LRRK2: variants seen among roughly 807,000 people sequenced by gnomAD.
The protein encoded by LRRK2 is leucine-rich repeat serine/threonine-protein kinase 2.
A neutral mutation model predicts 302.6 loss-of-function variants in LRRK2; 203 were observed. The ratio of observed to expected loss-of-function variants is 0.67; its 90% CI spans 0.60 to 0.75. LRRK2 has a LOEUF of 0.75. Among genes scored for constraint, LRRK2 ranks in the 30% least tolerant of loss-of-function variants. LRRK2 has a pLI of 0.00. For missense variants in LRRK2, 2,830 were observed against 2,951.0 expected (o/e 0.96, Z 0.95); for synonymous variants, 1,066 against 1,031.9 (o/e 1.03, Z -0.63).
intron 11 of LRRK2, 88 bp downstream of exon 11, chr12:40,253,104 C>T (rs1424458553): frequency 2.4e-6 from 2 of 828,632 alleles, no homozygotes; most frequent in Non-Finnish European, 4.0e-6. Context: ...GAAAAATTTA[C>T]ATAATTTATA....
At chr12:40,249,699 A>G (rs1942167152) in intron 7 of LRRK2, 127 bp from the exon 8 acceptor site, 1 of 1,070,098 alleles carries the variant, frequency 9.3e-7, no homozygotes. Flanking sequence ...TTTTAATTAA[A>G]GTAAATGTTT....
At chr12:40,314,294 G>A in intron 32 of LRRK2, 121 bp downstream of exon 32, 4 of 998,296 alleles carry the variant, frequency 4.0e-6, no homozygotes, top group Non-Finnish European at 4.6e-6. Context: ...TCTTTAATAG[G>A]CCACTGATTT....
intron 3 of LRRK2, among the ~76,000 whole-genome samples, chr12:40,235,317 A>C (rs1469148953): frequency 6.6e-6 from 1 of 152,180 alleles, no homozygotes; most frequent in African/African-American, 2.4e-5. Context: ...AAAAAGAATG[A>C]AAAAATTAGC....
In LRRK2 at chr12:40,249,961, A is replaced by G. The variant is rs758435947; in HGVS notation, c.958+16A>G. ...GCCCTCCTCAGTAAGTAACTTCACT[A>G]AAAAGGGGATTCTTACAGAGGCATT... On this transcript the variant is annotated intron_variant, in intron 8 of 50. Coordinates refer to ENST00000298910, the MANE Select transcript of LRRK2 (RefSeq NM_198578.4). The G allele has an allele frequency of 6.2e-7, 1 of 1,613,006 alleles. No homozygotes were observed. The highest frequency in any genetic ancestry group is 8.5e-7 in the Non-Finnish European group (1 of 1,179,348).
intron 14 of LRRK2, among the ~76,000 whole-genome samples, chr12:40,266,244 A>G (rs1278162162): frequency 2.0e-5 from 3 of 152,002 alleles, no homozygotes; most frequent in African/African-American, 7.2e-5. Flanking sequence ...AATTTTTGCA[A>G]TCTACTCATC....
At chr12:40,330,755 C>T (rs1945690221) in intron 39 of LRRK2, among the ~76,000 whole-genome samples, 1 of 152,096 alleles carries the variant, frequency 6.6e-6, no homozygotes, top group Non-Finnish European at 1.5e-5. Context: ...TATCATTGCT[C>T]CAAGAGTATA....
Position 40,368,085 on chromosome 12 carries a change from T to C in LRRK2, c.*320T>C, listed in dbSNP as rs1475077998. 5.5e-6 allele frequency: 1 copy of C among 181,502 alleles called. No homozygotes were observed. The highest frequency in any genetic ancestry group is 1.2e-5 in the Non-Finnish European group (1 of 86,754). The allele number at this position is 181,502 out of a possible 1,614,324, so 11.2% of individuals were successfully genotyped here. The stretch of plus-strand genomic sequence containing the variant: ...TTATAAGGCCGATAATTTTTTGTTT[T>C]CTTGTCTGTAATGGAGGTAAACTTT... On this transcript the variant is annotated 3_prime_UTR_variant, in exon 51 of 51. Coordinates refer to ENST00000298910, the MANE Select transcript of LRRK2 (RefSeq NM_198578.4).
chr12:40,338,077 A>G (rs575823298), intron 40 of LRRK2, among the ~76,000 whole-genome samples: 2 of 152,288 alleles, frequency 1.3e-5, no homozygotes, highest in South Asian at 4.1e-4. Flanking sequence ...GGAAAGCTAG[A>G]TATTATATTG....
intron 6 of LRRK2, among the ~76,000 whole-genome samples, chr12:40,242,393 G>A (rs1046585952): frequency 6.6e-6 from 1 of 152,036 alleles, no homozygotes; most frequent in African/African-American, 2.4e-5. Context: ...TTTTCTCCAT[G>A]TAGGTTCACA....
At chr12:40,306,056 TAGGGAAAA>T in intron 28 of LRRK2, 90 bp downstream of exon 28, 6 of 983,028 alleles carry the variant, frequency 6.1e-6, no homozygotes, top group Non-Finnish European at 9.1e-6. Flanking sequence ...TGTTACTATT[TAGGGAAAA>T]ATAAATAGTA....
chr12:40,288,907 T>C (rs1191729634), intron 20 of LRRK2, among the ~76,000 whole-genome samples: 1 of 152,054 alleles, frequency 6.6e-6, no homozygotes, highest in East Asian at 1.9e-4. Flanking sequence ...AGGTTTTAAA[T>C]CTTGGTGAAA....
At chr12:40,237,292 CAT>C (rs1941510598) in intron 4 of LRRK2, among the ~76,000 whole-genome samples, 1 of 152,120 alleles carries the variant, frequency 6.6e-6, no homozygotes, top group South Asian at 2.1e-4. Context: ...TGCAAGACCA[CAT>C]TTGTGTTTTA....
intron 18 of LRRK2, among the ~76,000 whole-genome samples, chr12:40,279,801 A>G (rs1345438199): frequency 1.3e-5 from 2 of 152,200 alleles, no homozygotes; most frequent in Non-Finnish European, 2.9e-5. Context: ...AAATCCAAGG[A>G]TTATGTATTA....
chr12:40,280,946 T>C lies in LRRK2; in HGVS notation c.2241+2685T>C, dbSNP rs1333349132. Among the ~76,000 whole-genome samples the C allele has an allele frequency of 7.9e-5, 12 of 151,620 alleles. No homozygotes were observed. In the East Asian group the frequency reaches 2.3e-3, roughly 29 times the overall value. On this transcript the variant is annotated intron_variant, in intron 18 of 50. Coordinates refer to ENST00000298910, the MANE Select transcript of LRRK2 (RefSeq NM_198578.4). ...AGCCAGGCGTGGTGGCAGGTGCCTG[T>C]AGTCCCAGCTACTTGGGAGGCTGAG...
chr12:40,244,861 T>C (rs1240527131), intron 7 of LRRK2, among the ~76,000 whole-genome samples: 5 of 151,892 alleles, frequency 3.3e-5, no homozygotes, highest in Admixed American at 1.3e-4. Flanking sequence ...TGTACACATG[T>C]ACCCTAAAAC....
intron 7 of LRRK2, among the ~76,000 whole-genome samples, chr12:40,243,987 C>A (rs945424371): frequency 1.3e-5 from 2 of 151,800 alleles, no homozygotes; most frequent in Non-Finnish European, 2.9e-5. Flanking sequence ...ATTGTTGAGG[C>A]TATATTTAAA....
At position 40,323,213 on chromosome 12, in the gene LRRK2, A is replaced by T; in HGVS notation, c.5563A>T (p.Ile1855Phe). The change falls in exon 38 of 51, where the codon ATT becomes TTT. Residue 1855 changes from isoleucine (I) to phenylalanine (F), a missense_variant. Transcript: ENST00000298910. ...QPRLTIPISQ[I>F]APDLILADLP... ...AAGGCTCACCATTCCAATATCTCAGATTGCCCCTGACTTGATTTTGGCTGA... is the reference window on the plus strand; with the variant it reads ...AAGGCTCACCATTCCAATATCTCAGTTTGCCCCTGACTTGATTTTGGCTGA... The T allele has an allele frequency of 1.2e-6, 2 of 1,613,308 alleles. No homozygotes were observed. Among genetic ancestry groups the T allele is most frequent in the Non-Finnish European group, 1.7e-6 (2 of 1,179,412 alleles).
At chr12:40,281,507 A>G (rs1943695947) in intron 18 of LRRK2, among the ~76,000 whole-genome samples, 1 of 152,230 alleles carries the variant, frequency 6.6e-6, no homozygotes, top group African/African-American at 2.4e-5. Context: ...TATGCTTTTG[A>G]TAATCTTTAG....
In LRRK2 at chr12:40,233,702, C is replaced by A. The variant is rs75275684; in HGVS notation, c.347+1319C>A. ...GTTTGGGTGATAATTTCCAGGAAGTCCAAAGATGAGCCAGTCTATAACCTC... is the reference window on the plus strand; with the variant it reads ...GTTTGGGTGATAATTTCCAGGAAGTACAAAGATGAGCCAGTCTATAACCTC... On this transcript the variant is annotated intron_variant, in intron 3 of 50. Coordinates refer to ENST00000298910, the MANE Select transcript of LRRK2 (RefSeq NM_198578.4). Among the ~76,000 whole-genome samples, 10 of 152,248 alleles carry A rather than the reference C, an allele frequency of 6.6e-5. No individual in the cohort carries two copies. In the East Asian group the frequency reaches 1.9e-3, roughly 29 times the overall value.
Sources: gnomAD v4.1 joint callset for allele counts (sites outside exome capture counted in the v4.1 genomes callset) on GRCh38, gnomAD v4.1.1 for gene constraint, MANE v1.5 for transcripts, NCBI Gene and HGNC (gene_info 2026-07-23, HGNC 2026-07-21) for gene names.